Variants in ENTPD1 observed in about 807,000 individuals in gnomAD.
ENTPD1 encodes the protein ectonucleoside triphosphate diphosphohydrolase 1, also known as ATP diphosphohydrolase.
A neutral mutation model predicts 57.0 loss-of-function variants in ENTPD1; 33 were observed. The observed-to-expected ratio is 0.58, with a 90% CI of 0.44 to 0.77. ENTPD1 has a LOEUF of 0.77. Among genes scored for constraint, ENTPD1 ranks in the 30% least tolerant of loss-of-function variants. ENTPD1 has a pLI of 0.00. For synonymous variants in ENTPD1, 202 were observed against 218.8 expected (o/e 0.92, Z 0.68); for missense variants, 501 against 603.4 (o/e 0.83, Z 1.78).
At chr10:95,714,529 C>T (rs965450904) in intron 1 of ENTPD1, among the ~76,000 whole-genome samples, 1 of 152,038 alleles carries the variant, frequency 6.6e-6, no homozygotes, top group African/African-American at 2.4e-5. Flanking sequence ...TGTTTGTTGC[C>T]AACTTGCAGT....
Position 95,876,586 on chromosome 10 carries a change from A to C in ENTPD1, c.*10203A>C, listed in dbSNP as rs915014021. 2 of 1,230,584 alleles carry C rather than the reference A, an allele frequency of 1.6e-6. No homozygotes were observed. The highest frequency in any genetic ancestry group is 3.1e-5 in the African/African-American group (2 of 64,414). The allele number at this position is 1,230,584 out of a possible 1,614,324, so 76.2% of individuals were successfully genotyped here. On this transcript the variant is annotated 3_prime_UTR_variant, in exon 10 of 10. Transcript: ENST00000371205. ...AGATGGAAGTCTACATGGAGAATAC[A>C]GGATGAATCCACTCTGTCTCCTGCA... is the stretch of plus-strand genomic sequence containing the variant.
rs181186437 is a variant in ENTPD1, at chr10:95,825,619, C to T, written c.144+2255C>T. 7.6e-3 allele frequency among the ~76,000 whole-genome samples: 1,159 copies of T among 152,248 alleles called. 6 individuals are homozygous for T. The highest frequency in any genetic ancestry group is 0.012 in the Non-Finnish European group (832 of 68,008). On this transcript the variant is annotated intron_variant, in intron 2 of 9. Coordinates refer to ENST00000371205, the MANE Select transcript of ENTPD1 (RefSeq NM_001776.6). ...TCAAGATGGAGTCTCGCTCTGTCGC[C>T]CAGGCTGGAGTGCAGTGGCACGATC...
chr10:95,830,412 T>C (rs2098392627), intron 2 of ENTPD1, among the ~76,000 whole-genome samples: 1 of 152,178 alleles, frequency 6.6e-6, no homozygotes, highest in Non-Finnish European at 1.5e-5. Flanking sequence ...CTTGGATCCA[T>C]GTTAGAAGCA....
At chr10:95,849,243 G>A (rs1265864364) in intron 7 of ENTPD1, among the ~76,000 whole-genome samples, 2 of 152,120 alleles carry the variant, frequency 1.3e-5, no homozygotes, top group Non-Finnish European at 2.9e-5. Flanking sequence ...TGGTCCCAGA[G>A]GCTGAGCATT....
At chr10:95,816,939 G>A (rs1177887672) in intron 1 of ENTPD1, among the ~76,000 whole-genome samples, 2 of 152,214 alleles carry the variant, frequency 1.3e-5, no homozygotes, top group Non-Finnish European at 2.9e-5. Flanking sequence ...GAACTCTTTA[G>A]TATAGGCTAT....
intron 1 of ENTPD1, among the ~76,000 whole-genome samples, chr10:95,742,587 A>G (rs924791699): frequency 1.4e-5 from 2 of 145,952 alleles, no homozygotes; most frequent in Non-Finnish European, 3.0e-5. Flanking sequence ...TTGTGGATGG[A>G]AAGATTTGAA....
chr10:95,822,064 A>G (rs1259209725), intron 1 of ENTPD1, among the ~76,000 whole-genome samples: 1 of 146,024 alleles, frequency 6.8e-6, no homozygotes, highest in Non-Finnish European at 1.5e-5. Context: ...CAGTGGTGCA[A>G]TCTTGGCTCA....
At chr10:95,834,496 C>G (rs1469164134) in intron 2 of ENTPD1, among the ~76,000 whole-genome samples, 1 of 152,078 alleles carries the variant, frequency 6.6e-6, no homozygotes. Flanking sequence ...TGGGCAACTG[C>G]AAGCAGGCCA....
chr10:95,737,015 T>C (rs1313964161), intron 1 of ENTPD1, among the ~76,000 whole-genome samples: 2 of 152,234 alleles, frequency 1.3e-5, no homozygotes, highest in Non-Finnish European at 2.9e-5. Flanking sequence ...TTGAGTCTAC[T>C]GAAGTTGAAC....
intron 1 of ENTPD1, among the ~76,000 whole-genome samples, chr10:95,734,825 T>C (rs577125213): frequency 2.0e-5 from 3 of 152,200 alleles, no homozygotes; most frequent in African/African-American, 7.2e-5. Context: ...CAAGGCATCA[T>C]GGCACACAGG....
chr10:95,739,157 G>C (rs2097997669), intron 1 of ENTPD1, among the ~76,000 whole-genome samples: 1 of 152,174 alleles, frequency 6.6e-6, no homozygotes, highest in African/African-American at 2.4e-5. Flanking sequence ...TCTTTTTGCT[G>C]TTGGAGGATT....
chr10:95,748,222 G>A (rs1368317610), intron 1 of ENTPD1, among the ~76,000 whole-genome samples: 1 of 152,012 alleles, frequency 6.6e-6, no homozygotes, highest in African/African-American at 2.4e-5. Flanking sequence ...AGCCTATTTT[G>A]TGAGTATCAT....
intron 1 of ENTPD1, among the ~76,000 whole-genome samples, chr10:95,746,937 T>A (rs1394124851): frequency 1.3e-5 from 2 of 152,210 alleles, no homozygotes; most frequent in African/African-American, 4.8e-5. Flanking sequence ...GTTTTCCAAA[T>A]TTGTTGACAA....
At chr10:95,694,198 C>T in the ENTPD1 span, 2 of 408,490 alleles carry the variant, frequency 4.9e-6, no homozygotes, top group African/African-American at 4.2e-5. Flanking sequence ...GGTAGGAGTT[C>T]GGCGGACCGA....
intron 7 of ENTPD1, among the ~76,000 whole-genome samples, chr10:95,859,879 A>C (rs2098462303): frequency 6.6e-6 from 1 of 152,038 alleles, no homozygotes; most frequent in African/African-American, 2.4e-5. Context: ...TGAACTTTTA[A>C]CTTTTTTTAT....
At chr10:95,763,997 G>A (rs910637674) in intron 1 of ENTPD1, among the ~76,000 whole-genome samples, 8 of 152,148 alleles carry the variant, frequency 5.3e-5, no homozygotes, top group African/African-American at 1.9e-4. Context: ...ATTATCTGGA[G>A]ACACAATTCA....
chr10:95,763,249 C>T (rs1398897873), intron 1 of ENTPD1, among the ~76,000 whole-genome samples: 1 of 152,056 alleles, frequency 6.6e-6, no homozygotes, highest in Non-Finnish European at 1.5e-5. Context: ...TGAATCTGTT[C>T]TTACTGTGAA....
upstream of ENTPD1, chr10:95,755,860 G>A (rs1438233248): frequency 1.3e-6 from 2 of 1,515,052 alleles, no homozygotes; most frequent in South Asian, 1.2e-5. Flanking sequence ...GAGAAAAAGG[G>A]ATTTCTATAA....
chr10:95,739,727 A>G (rs2097998305), intron 1 of ENTPD1, among the ~76,000 whole-genome samples: 1 of 152,154 alleles, frequency 6.6e-6, no homozygotes, highest in African/African-American at 2.4e-5. Flanking sequence ...CCCATGAATC[A>G]CGAATGTTCT....
Sources: gnomAD v4.1 joint callset for allele counts (sites outside exome capture counted in the v4.1 genomes callset) on GRCh38, gnomAD v4.1.1 for gene constraint, MANE v1.5 for transcripts, NCBI Gene and HGNC (gene_info 2026-07-23, HGNC 2026-07-21) for gene names.